ARHGEF10: variants seen among roughly 807,000 people sequenced by gnomAD.
ARHGEF10 encodes the protein Rho guanine nucleotide exchange factor 10.
A neutral mutation model predicts 147.4 loss-of-function variants in ARHGEF10; 140 were observed. The observed-to-expected ratio is 0.95, with a 90% CI of 0.83 to 1.09. The LOEUF (loss-of-function observed/expected upper bound fraction) is 1.09, where lower values mean the gene tolerates loss of function less well. Ranked by LOEUF, ARHGEF10 falls within the 50% of genes least tolerant of loss-of-function variation. The pLI is 0.00. For synonymous variants in ARHGEF10, 902 were observed against 695.8 expected, an observed-to-expected ratio of 1.30 and a Z score of -4.67; for missense variants, 2,222 against 1,752.7, an observed-to-expected ratio of 1.27 and a Z score of -4.78.
intron 28 of ARHGEF10, among the ~76,000 whole-genome samples, chr8:1,954,068 C>CA (rs1374581082): frequency 2.0e-5 from 3 of 151,920 alleles, no homozygotes; most frequent in Admixed American, 1.3e-4. Context: ...ACCCCAAATC[C>CA]AAAAACAAAA....
intron 1 of ARHGEF10, among the ~76,000 whole-genome samples, chr8:1,837,250 G>C (rs1803639546): frequency 6.6e-6 from 1 of 151,550 alleles, no homozygotes; most frequent in African/African-American, 2.4e-5. Context: ...GCGCTGTGCG[G>C]AGCCGCAGGA....
rs114233083 is a variant in ARHGEF10 at position 1,883,344 on chromosome 8, A to G, written c.1075+595A>G. Among the ~76,000 whole-genome samples, 1,101 of 152,146 alleles carry G rather than the reference A, an allele frequency of 7.2e-3. 7 individuals carry two copies. The highest frequency in any genetic ancestry group is 0.024 in the African/African-American group (1,011 of 41,512). On this transcript the variant is annotated intron_variant, in intron 10 of 28. Coordinates refer to ENST00000349830, the MANE Select transcript of ARHGEF10 (RefSeq NM_014629.4). ...GGAGCCTTTGTGCACGGATGTCCTAAGGTCGAGTTACGGGAGGGTGACTGA... is the reference window on the plus strand; with the variant it reads ...GGAGCCTTTGTGCACGGATGTCCTAGGGTCGAGTTACGGGAGGGTGACTGA...
At position 1,876,679 on chromosome 8, in the gene ARHGEF10, C is replaced by G; in HGVS notation, c.788C>G (p.Ser263Trp). 3 of 1,614,206 alleles carry G rather than the reference C, an allele frequency of 1.9e-6. No homozygotes were observed. The highest frequency in any genetic ancestry group is 2.2e-5 in the East Asian group (1 of 44,886). ...EFESYEEQSD[S>W]ECKNGIPRSF... ...GAAAGTTACGAAGAGCAGAGTGACT[C>G]GGAGTGCAAGAATGGGATTCCCAGG... The change falls in exon 8 of 29, where the codon TCG (serine) becomes TGG (tryptophan). Residue 263 changes from serine (S) to tryptophan (W), a missense_variant. Coordinates refer to ENST00000349830, the MANE Select transcript of ARHGEF10 (RefSeq NM_014629.4).
At chr8:1,833,027 C>G (rs62648750) in intron 1 of ARHGEF10, among the ~76,000 whole-genome samples, 7 of 2,400 alleles carry the variant, frequency 2.9e-3, no homozygotes, top group Non-Finnish European at 4.7e-3. Context: ...GAGGCAGAGA[C>G]AGGCAGAGAG....
At chr8:1,864,474 G>A (rs372964123) in intron 5 of ARHGEF10, 38 bp downstream of exon 5, 85 of 1,595,188 alleles carry the variant, frequency 5.3e-5, no homozygotes, top group South Asian at 9.9e-5. Flanking sequence ...CTGAATTCCC[G>A]CCTTTCTCCT....
At chr8:1,836,684 A>C (rs1803603332) in intron 1 of ARHGEF10, among the ~76,000 whole-genome samples, 1 of 152,098 alleles carries the variant, frequency 6.6e-6, no homozygotes, top group African/African-American at 2.4e-5. Flanking sequence ...TGAGTCCAGA[A>C]ACAAAGGCGT....
At chr8:1,889,166 T>TG (rs1809144208) in intron 11 of ARHGEF10, among the ~76,000 whole-genome samples, 1 of 53,100 alleles carries the variant, frequency 1.9e-5, no homozygotes, top group Non-Finnish European at 3.4e-5. Context: ...AGACGCTGAG[T>TG]TGGGGGGTTG....
intron 25 of ARHGEF10, among the ~76,000 whole-genome samples, chr8:1,931,008 A>G (rs1813098088): frequency 6.6e-6 from 1 of 151,886 alleles, no homozygotes; most frequent in African/African-American, 2.4e-5. Flanking sequence ...TGGCCTCATG[A>G]TTTCAGTTCT....
chr8:1,955,330 AGGTGCACTCACTGTGTTTCTCTGGATGGG>A (rs1815442813), intron 28 of ARHGEF10, among the ~76,000 whole-genome samples: 1 of 150,170 alleles, frequency 6.7e-6, no homozygotes, highest in African/African-American at 2.5e-5. Flanking sequence ...CCCTAAAAGG[AGGTGCACTCACTGTGTTTCTCTGGATGGG>A]TAGCTAGGTG....
chr8:1,837,185 G>A lies in ARHGEF10; in HGVS notation c.-47-6168G>A, dbSNP rs531512042. ...TGTATGGGTCAGGATGCCGGTGGTA[G>A]GGCAAGGCCTGGGCCAGAATCTGAC... On this transcript the variant is annotated intron_variant, in intron 1 of 28. Transcript: ENST00000349830. Among the ~76,000 whole-genome samples the A allele has an allele frequency of 7.7e-4, 118 of 152,374 alleles. 1 individual carries two copies. The highest frequency in any genetic ancestry group is 2.7e-3 in the African/African-American group (113 of 41,602).
rs1329188891 is a variant in ARHGEF10 at position 1,926,399 on chromosome 8, C to G, written c.2633C>G (p.Pro878Arg). Residue 878 changes from proline (P) to arginine (R), a missense_variant, in exon 23 of 29, where the codon CCT becomes CGT. By Grantham distance (103) the Pro-to-Arg change is moderately radical (BLOSUM62 -2). Coordinates refer to ENST00000349830, the MANE Select transcript of ARHGEF10 (RefSeq NM_014629.4). ...EFKIECAAYN[P>R]EPYLNNESQP... ...TAGATTGAATGTGCTGCTTATAACC[C>G]TGAACCTTACCTAAATAATGAAAGC... is the stretch of plus-strand genomic sequence containing the variant. 1.5e-5 allele frequency: 24 copies of G among 1,613,958 alleles called. No individual in the cohort carries two copies. The highest frequency in any genetic ancestry group is 1.9e-5 in the Non-Finnish European group (23 of 1,179,956).
intron 2 of ARHGEF10, among the ~76,000 whole-genome samples, chr8:1,844,881 A>AC (rs1427715853): frequency 2.0e-5 from 3 of 152,174 alleles, no homozygotes; most frequent in Non-Finnish European, 4.4e-5. Context: ...AGCCTGGGCA[A>AC]CGTAGTGAGA....
chr8:1,906,054 C>T (rs1054460362), intron 17 of ARHGEF10, among the ~76,000 whole-genome samples: 1 of 152,132 alleles, frequency 6.6e-6, no homozygotes, highest in Non-Finnish European at 1.5e-5. Flanking sequence ...TTACCTGCTT[C>T]TCTATAAATA....
intron 2 of ARHGEF10, among the ~76,000 whole-genome samples, chr8:1,846,462 G>A (rs1368019929): frequency 2.6e-5 from 4 of 152,202 alleles, no homozygotes; most frequent in Non-Finnish European, 5.9e-5. Context: ...AAGTTACTGC[G>A]ACCTCATTTC....
At chr8:1,850,717 A>G (rs1299478430) in intron 2 of ARHGEF10, among the ~76,000 whole-genome samples, 1 of 152,152 alleles carries the variant, frequency 6.6e-6, no homozygotes, top group African/African-American at 2.4e-5. Context: ...ATGAGTTGAA[A>G]ACTTAATGTC....
In ARHGEF10 at chr8:1,889,861, A is replaced by C. The variant is rs1371737213; in HGVS notation, c.1183-3708A>C. Among the ~76,000 whole-genome samples the C allele has an allele frequency of 4.3e-5, 6 of 138,640 alleles. 1 individual carries two copies. Among genetic ancestry groups the C allele is most frequent in the African/African-American group, 1.5e-4 (5 of 32,274 alleles). 91.0% of individuals were successfully genotyped at this position (138,640 alleles called of 152,430 possible). A position where few individuals can be genotyped will look rare whatever the true frequency, so the allele number is the denominator to read the frequency against. On this transcript the variant is annotated intron_variant, in intron 11 of 28. Coordinates refer to ENST00000349830, the MANE Select transcript of ARHGEF10 (RefSeq NM_014629.4). ...GGTGGGGTGAGGTTTGTGAGGAGAC[A>C]CTGAGTGTGGTGAGGGTTTGTGAGG... is the stretch of plus-strand genomic sequence containing the variant.
At chr8:1,839,676 A>ACCTG in intron 1 of ARHGEF10, among the ~76,000 whole-genome samples, 1 of 36,674 alleles carries the variant, frequency 2.7e-5, no homozygotes, top group Admixed American at 3.5e-4. Context: ...CTGGTGTGGA[A>ACCTG]ACTGGTGTGG....
chr8:1,861,660 C>T (rs1311081950), intron 4 of ARHGEF10, among the ~76,000 whole-genome samples: 1 of 152,128 alleles, frequency 6.6e-6, no homozygotes, highest in African/African-American at 2.4e-5. Context: ...AGAAAAATCT[C>T]AATTTTGGAT....
intron 7 of ARHGEF10, chr8:1,870,720 G>C (rs963502780): frequency 1.3e-5 from 2 of 152,144 alleles, no homozygotes; most frequent in Non-Finnish European, 2.9e-5. Flanking sequence ...AGATATATAA[G>C]CAAAATATAA....
Sources: allele counts gnomAD v4.1 joint callset (sites outside exome capture counted in the v4.1 genomes callset), GRCh38; gene constraint gnomAD v4.1.1; transcripts MANE v1.5; gene names NCBI Gene and HGNC (gene_info 2026-07-23, HGNC 2026-07-21).